WDHD1: variants seen among roughly 807,000 people sequenced by gnomAD.
WDHD1 encodes the protein WD repeat and HMG-box DNA binding protein 1.
WDHD1 carries 111 observed loss-of-function variants against 135.4 expected under a neutral mutation model. The observed-to-expected ratio is 0.82, with a 90% CI of 0.70 to 0.96. The LOEUF is 0.96. WDHD1 is among the 40% of genes least tolerant of loss of function. The pLI, the probability that WDHD1 is intolerant of heterozygous loss-of-function variation, is 0.00. For missense variants in WDHD1, 1,351 were observed against 1,336.3 expected, an observed-to-expected ratio of 1.01 and a Z score of -0.17; for synonymous variants, 434 against 439.0, an observed-to-expected ratio of 0.99 and a Z score of 0.14.
chr14:54,981,604 G>T lies in WDHD1; in HGVS notation c.1999C>A (p.His667Asn). The change falls in exon 16 of 26, where the codon CAC becomes AAC. Residue 667 changes from histidine to asparagine, a missense_variant. Around this residue, in one of 2 missense-constraint regions of WDHD1, gnomAD observed 1,330 missense variants for 1,296.1 expected, o/e 1.03. Coordinates refer to ENST00000360586, the MANE Select transcript of WDHD1 (RefSeq NM_007086.4). ...TAGTGATCAGATTTTCCTTTGCAGT[G>T]CTCTCTTGTATTACATATAGGAGTC... ...TWTPICNTRE[H>N]CKGKSDHYWV... 6.2e-7 allele frequency: 1 copy of T among 1,613,334 alleles called. No individual in the cohort carries two copies. Among genetic ancestry groups the T allele is most frequent in the East Asian group, 2.2e-5 (1 of 44,806 alleles).
intron 25 of WDHD1, among the ~76,000 whole-genome samples, chr14:54,943,427 C>G (rs2040869515): frequency 6.6e-6 from 1 of 152,162 alleles, no homozygotes; most frequent in South Asian, 2.1e-4. Context: ...CCCGGTCTCA[C>G]TCTGTCACCC....
intron 24 of WDHD1, among the ~76,000 whole-genome samples, chr14:54,947,755 C>T (rs1319171022): frequency 6.6e-6 from 1 of 151,864 alleles, no homozygotes; most frequent in African/African-American, 2.4e-5. Context: ...CCATACCTGG[C>T]AAACTTTTGT....
intron 3 of WDHD1, 43 bp from the exon 4 acceptor site, chr14:55,010,503 C>G: frequency 6.9e-7 from 1 of 1,454,030 alleles, no homozygotes; most frequent in African/African-American, 1.4e-5. Context: ...AAAACAAATC[C>G]AAATGACTGG....
intron 4 of WDHD1, among the ~76,000 whole-genome samples, chr14:55,009,010 T>C (rs2042120660): frequency 6.6e-6 from 1 of 152,156 alleles, no homozygotes; most frequent in Non-Finnish European, 1.5e-5. Context: ...TTGGTCAGGC[T>C]GGTCTTGAAC....
intron 16 of WDHD1, among the ~76,000 whole-genome samples, chr14:54,978,225 T>C (rs2041558769): frequency 6.6e-6 from 1 of 152,138 alleles, no homozygotes; most frequent in South Asian, 2.1e-4. Context: ...CTAAACTAAC[T>C]AGATTCCTGA....
intron 21 of WDHD1, among the ~76,000 whole-genome samples, chr14:54,958,920 G>C (rs2041204272): frequency 1.3e-5 from 2 of 152,226 alleles, no homozygotes; most frequent in African/African-American, 2.4e-5. Flanking sequence ...ACTTCCCTGA[G>C]CTCCTGATTC....
At chr14:54,982,014 AT>A (rs950663191) in intron 15 of WDHD1, among the ~76,000 whole-genome samples, 56 of 149,200 alleles carry the variant, frequency 3.8e-4, no homozygotes, top group African/African-American at 8.8e-4. Flanking sequence ...TATTATTATT[AT>A]TTTTTTTTTC....
In WDHD1 at chr14:54,955,588, C is replaced by T. The variant is rs1447906950; in HGVS notation, c.3023G>A (p.Cys1008Tyr). 6.3e-7 allele frequency: 1 copy of T among 1,589,958 alleles called. No homozygotes were observed. The highest frequency in any genetic ancestry group is 1.2e-5 in the South Asian group (1 of 86,614). ...KNVLSETPAI[C>Y]PPQNTENQRP... ...TTGGTTTTCAGTGTTTTGAGGAGGA[C>T]ATATAGCTGGGGTTTCAGATAATAC... Residue 1008 changes from cysteine to tyrosine, a missense_variant, in exon 24 of 26, where the codon TGT (cysteine) becomes TAT (tyrosine). Physicochemically the swap from Cys to Tyr is radical, Grantham distance 194. This residue lies in a region of WDHD1 where 1,330 missense variants were observed against 1,296.1 expected (regional missense o/e 1.03). Coordinates refer to ENST00000360586, the MANE Select transcript of WDHD1 (RefSeq NM_007086.4).
chr14:55,011,480 C>T (rs916866069), intron 3 of WDHD1, among the ~76,000 whole-genome samples: 6 of 141,134 alleles, frequency 4.3e-5, no homozygotes, highest in East Asian at 4.1e-4. Context: ...GCTGAGACTG[C>T]GCCATTGCAC....
At position 54,939,089 on chromosome 14, in the gene WDHD1, A is replaced by G. The variant is rs1338509751; in HGVS notation, c.*2401T>C. ...TGTCAACAATAAGACAAACTAGAGG[A>G]AGGATATACAGGTGCTTACTGTCAA... On this transcript the variant is annotated 3_prime_UTR_variant, in exon 26 of 26. Transcript: ENST00000360586. The G allele has an allele frequency of 6.6e-6, 1 of 152,208 alleles. No homozygotes were observed. Among genetic ancestry groups the G allele is most frequent in the Non-Finnish European group, 1.5e-5 (1 of 68,042 alleles). 9.4% of individuals were successfully genotyped at this position (152,208 alleles called of 1,614,324 possible). A position where few individuals can be genotyped will look rare whatever the true frequency, so the allele number is the denominator to read the frequency against.
Position 55,008,376 on chromosome 14 carries a change from T to A in WDHD1, c.454-10A>T. On this transcript the variant is annotated splice_polypyrimidine_tract_variant and intron_variant, in intron 5 of 25. Coordinates refer to ENST00000360586, the MANE Select transcript of WDHD1 (RefSeq NM_007086.4). ...CACAACTAGCTGATGCCTGCAGGAA[T>A]AAACAATACATTTCTCTATAGTCAT... is the stretch of plus-strand genomic sequence containing the variant. 1 of 1,613,002 alleles carries A rather than the reference T, an allele frequency of 6.2e-7. No individual in the cohort carries two copies. Among genetic ancestry groups the A allele is most frequent in the Non-Finnish European group, 8.5e-7 (1 of 1,179,502 alleles).
At position 54,967,351 on chromosome 14, in the gene WDHD1, G is replaced by A. The variant is rs184673712; in HGVS notation, c.2107C>T (p.Arg703Cys). Residue 703 changes from arginine to cysteine, a missense_variant, in exon 17 of 26, where the codon CGC (arginine) becomes TGC (cysteine). By Grantham distance (180) the Arg-to-Cys change is radical. Around this residue, in one of 2 missense-constraint regions of WDHD1, gnomAD observed 1,330 missense variants for 1,296.1 expected, o/e 1.03. Transcript: ENST00000360586. ...KGSRFPPTLP[R>C]PAVAILSFKL... ...AAGGATAATATAGCAACAGCAGGGC[G>A]TGGAAGGGTTGGGGGAAACCGAGAA... The A allele has an allele frequency of 8.2e-5, 133 of 1,612,398 alleles. No homozygotes were observed. The Admixed American group carries it at 1.1e-3, about 13-fold the overall frequency.
intron 24 of WDHD1, 53 bp downstream of exon 24, chr14:54,955,508 T>TA: frequency 7.0e-7 from 1 of 1,425,042 alleles, no homozygotes; most frequent in South Asian, 1.8e-5. Context: ...GTATTGCTGC[T>TA]ACTGTATACT....
intron 25 of WDHD1, among the ~76,000 whole-genome samples, chr14:54,942,930 T>C (rs557424600): frequency 1.3e-5 from 2 of 152,366 alleles, no homozygotes; most frequent in South Asian, 4.1e-4. Flanking sequence ...CTTATTTATT[T>C]AGACGCCATT....
At chr14:55,026,983 C>A in intron 1 of WDHD1, 45 bp downstream of exon 1, 3 of 590,138 alleles carry the variant, frequency 5.1e-6, no homozygotes, top group Non-Finnish European at 9.0e-6. Flanking sequence ...GGAAAGGGAA[C>A]ACGCATCTCC....
At chr14:54,982,634 A>G (rs1360999128) in intron 15 of WDHD1, among the ~76,000 whole-genome samples, 1 of 152,212 alleles carries the variant, frequency 6.6e-6, no homozygotes, top group East Asian at 1.9e-4. Context: ...CTCTGCAAAC[A>G]TTAGTTTCCG....
chr14:54,952,283 C>A (rs570753438), intron 24 of WDHD1, among the ~76,000 whole-genome samples: 1 of 152,212 alleles, frequency 6.6e-6, no homozygotes, highest in Non-Finnish European at 1.5e-5. Context: ...TGATAGGGAA[C>A]TTCAGCAAAG....
intron 13 of WDHD1, among the ~76,000 whole-genome samples, chr14:54,988,232 G>GTT (rs11402342): frequency 3.3e-4 from 49 of 149,298 alleles, no homozygotes; most frequent in African/African-American, 9.2e-4. Context: ...TTGTTTTTCC[G>GTT]TTTTTTTTTC....
rs1371082629 is a variant in WDHD1 at position 54,941,498 on chromosome 14, G to T, written c.3382C>A (p.Gln1128Lys). The change falls in exon 26 of 26, where the codon CAG becomes AAG. Residue 1128 changes from glutamine to lysine, a missense_variant. Physicochemically the swap from Gln to Lys is moderately conservative, Grantham distance 53. This residue lies in a region of WDHD1 where 1,330 missense variants were observed against 1,296.1 expected (regional missense o/e 1.03). Transcript: ENST00000360586. ...NQKLSAFAFK[Q>K]E ...AGGGTCACTTTCTTCCTTTACTCCTGCTTAAATGCAAAAGCTGATAGTTTC... is the reference window on the plus strand; with the variant it reads ...AGGGTCACTTTCTTCCTTTACTCCTTCTTAAATGCAAAAGCTGATAGTTTC... 1 of 1,609,806 alleles carries T rather than the reference G, an allele frequency of 6.2e-7. No homozygotes were observed. The highest frequency in any genetic ancestry group is 1.3e-5 in the African/African-American group (1 of 74,588).
Sources: gnomAD v4.1 joint callset for allele counts (sites outside exome capture counted in the v4.1 genomes callset) on GRCh38, gnomAD v4.1.1 for gene constraint, gnomAD v4.1.1 regional missense constraint, MANE v1.5 for transcripts, NCBI Gene and HGNC (gene_info 2026-07-23, HGNC 2026-07-21) for gene names.